The following FRMD4B variants were observed in gnomAD, a reference collection of about 807,000 sequenced individuals.
The protein encoded by FRMD4B is FERM domain containing 4B.
A neutral mutation model predicts 141.5 loss-of-function variants in FRMD4B; 74 were observed. The observed-to-expected ratio is 0.52, with a 90% CI of 0.43 to 0.63. The LOEUF (loss-of-function observed/expected upper bound fraction) is 0.63. Ranked by LOEUF, FRMD4B falls within the 30% of genes least tolerant of loss-of-function variation. The pLI is 0.00. For missense variants in FRMD4B, 1,366 were observed against 1,253.4 expected (o/e 1.09, Z -1.36); for synonymous variants, 506 against 467.9 (o/e 1.08, Z -1.05).
At chr3:69,338,852 C>G (rs1702642224) in intron 1 of FRMD4B, among the ~76,000 whole-genome samples, 1 of 151,944 alleles carries the variant, frequency 6.6e-6, no homozygotes, top group Non-Finnish European at 1.5e-5. Context: ...AGTTAAAAAA[C>G]AAACAAAAAA....
At chr3:69,364,501 C>CTCTG (rs1439527154) in intron 1 of FRMD4B, among the ~76,000 whole-genome samples, 2 of 152,186 alleles carry the variant, frequency 1.3e-5, no homozygotes, top group African/African-American at 4.8e-5. Context: ...GCAGCAATTC[C>CTCTG]AGTTTGCCTC....
intron 1 of FRMD4B, among the ~76,000 whole-genome samples, chr3:69,451,034 G>A (rs1355280220): frequency 1.3e-5 from 2 of 152,152 alleles, no homozygotes; most frequent in African/African-American, 4.8e-5. Context: ...ATATCCTAAT[G>A]ATGACTTCTA....
chr3:69,530,870 G>A (rs373658388), intron 1 of FRMD4B, among the ~76,000 whole-genome samples: 1 of 152,136 alleles, frequency 6.6e-6, no homozygotes, highest in Non-Finnish European at 1.5e-5. Context: ...TCCACTTAAC[G>A]AAAAACATAC....
chr3:69,328,008 G>C (rs1358472245), intron 1 of FRMD4B, among the ~76,000 whole-genome samples: 2 of 152,130 alleles, frequency 1.3e-5, no homozygotes, highest in Non-Finnish European at 2.9e-5. Context: ...CACAGGTCAG[G>C]AGAACATAGA....
chr3:69,475,386 G>T (rs898336614), intron 1 of FRMD4B, among the ~76,000 whole-genome samples: 42 of 148,422 alleles, frequency 2.8e-4, no homozygotes, highest in Non-Finnish European at 4.7e-4. Flanking sequence ...TCCCCAGAGT[G>T]TAACGTTCCC....
chr3:69,329,516 ATTTTTTTTTTTTTTTT>A (rs10554375), intron 1 of FRMD4B, among the ~76,000 whole-genome samples: 3,083 of 55,686 alleles, frequency 0.055, 161 homozygotes, highest in African/African-American at 0.17. Context: ...TGCCCAGCTA[ATTTTTTTTTTTTTTTT>A]TTTTTTTTTT....
chr3:69,305,547 T>G (rs550999615), intron 3 of FRMD4B, among the ~76,000 whole-genome samples: 2 of 152,332 alleles, frequency 1.3e-5, no homozygotes, highest in East Asian at 3.9e-4. Context: ...ATAACATATT[T>G]GATAGTATCA....
chr3:69,223,045 A>G (rs924120030), intron 8 of FRMD4B, among the ~76,000 whole-genome samples: 25 of 152,202 alleles, frequency 1.6e-4, no homozygotes, highest in Admixed American at 6.5e-5. Flanking sequence ...GTCTGTGTGC[A>G]ATCTAAAATA....
intron 1 of FRMD4B, among the ~76,000 whole-genome samples, chr3:69,508,599 T>A (rs1706636917): frequency 6.6e-6 from 1 of 152,196 alleles, no homozygotes; most frequent in African/African-American, 2.4e-5. Context: ...CTCTAATTGG[T>A]CATCCACCTG....
chr3:69,211,038 AAAG>A (rs1486749834), intron 11 of FRMD4B, among the ~76,000 whole-genome samples: 2,336 of 150,288 alleles, frequency 0.016, 65 homozygotes, highest in African/African-American at 0.055. Context: ...AAAAAAAAAA[AAAG>A]AAAGAAAATT....
chr3:69,537,801 G>A (rs1028965818), intron 1 of FRMD4B, among the ~76,000 whole-genome samples: 2 of 152,192 alleles, frequency 1.3e-5, no homozygotes, highest in African/African-American at 2.4e-5. Context: ...TCAAAAAGAA[G>A]AGAAATCAGC....
chr3:69,507,013 G>T (rs1369041550), intron 1 of FRMD4B, among the ~76,000 whole-genome samples: 2 of 152,148 alleles, frequency 1.3e-5, no homozygotes, highest in African/African-American at 4.8e-5. Flanking sequence ...AAATTAAATT[G>T]TACAGGATTC....
At chr3:69,284,577 A>C (rs1304267138) in intron 5 of FRMD4B, among the ~76,000 whole-genome samples, 2 of 152,218 alleles carry the variant, frequency 1.3e-5, no homozygotes, top group Non-Finnish European at 2.9e-5. Flanking sequence ...ACTGCATCCC[A>C]AAACCAAACA....
intron 7 of FRMD4B, among the ~76,000 whole-genome samples, chr3:69,236,864 C>T (rs1238933886): frequency 6.6e-6 from 1 of 152,194 alleles, no homozygotes; most frequent in African/African-American, 2.4e-5. Flanking sequence ...CTCAAGTTCA[C>T]TCAATGCCTA....
At chr3:69,349,516 G>C (rs371592372) in intron 1 of FRMD4B, among the ~76,000 whole-genome samples, 1 of 152,284 alleles carries the variant, frequency 6.6e-6, no homozygotes, top group East Asian at 1.9e-4. Context: ...GCATTGCCAA[G>C]TCAATCCTAA....
At chr3:69,398,914 T>C (rs72937889) in intron 2 of FRMD4B, among the ~76,000 whole-genome samples, 5,465 of 152,120 alleles carry the variant, frequency 0.036, 332 homozygotes, top group African/African-American at 0.12. Flanking sequence ...GTAACATATA[T>C]ATATATAAGC....
At chr3:69,508,301 G>A (rs2107089175) in intron 1 of FRMD4B, among the ~76,000 whole-genome samples, 1 of 152,278 alleles carries the variant, frequency 6.6e-6, no homozygotes, top group East Asian at 1.9e-4. Flanking sequence ...GAACTTGATA[G>A]AAAGAAGTGC....
intron 9 of FRMD4B, among the ~76,000 whole-genome samples, chr3:69,218,793 A>G (rs1326960970): frequency 6.6e-6 from 1 of 152,230 alleles, no homozygotes; most frequent in Non-Finnish European, 1.5e-5. Flanking sequence ...TTAAATAACT[A>G]GAAACATCTG....
At chr3:69,510,147 C>G (rs1470701723) in intron 1 of FRMD4B, among the ~76,000 whole-genome samples, 1 of 151,992 alleles carries the variant, frequency 6.6e-6, no homozygotes, top group Admixed American at 6.5e-5. Context: ...TACTTTAAGA[C>G]AGGGTTCTGG....
Sources: gnomAD v4.1 joint callset for allele counts (sites outside exome capture counted in the v4.1 genomes callset) on GRCh38, gnomAD v4.1.1 for gene constraint, MANE v1.5 for transcripts, NCBI Gene and HGNC (gene_info 2026-07-23, HGNC 2026-07-21) for gene names.